UHMK1: variants seen among roughly 807,000 people sequenced by gnomAD.
The protein encoded by UHMK1 is serine/threonine-protein kinase Kist.
In UHMK1, 18 loss-of-function variants were observed where a neutral mutation model predicts 44.0. The ratio of observed to expected loss-of-function variants is 0.41; its 90% CI spans 0.28 to 0.61. UHMK1 has a LOEUF of 0.61. Among genes scored for constraint, UHMK1 ranks in the 20% least tolerant of loss-of-function variants. UHMK1 has a pLI of 0.31. For synonymous variants in UHMK1, 231 were observed against 198.5 expected (o/e 1.16, Z -1.38); for missense variants, 463 against 522.5 (o/e 0.89, Z 1.11).
intron 3 of UHMK1, 56 bp from the exon 4 acceptor site, chr1:162,503,698 G>A (rs1651361795): frequency 3.2e-6 from 4 of 1,247,586 alleles, no homozygotes; most frequent in Non-Finnish European, 1.2e-6. Flanking sequence ...TATATGCCTA[G>A]TATTCAATAA....
chr1:162,510,660 C>T (rs7549575), intron 4 of UHMK1, among the ~76,000 whole-genome samples: 69,107 of 150,684 alleles, frequency 0.46, 15,806 homozygotes, highest in East Asian at 0.48. Context: ...TTTTACACAT[C>T]TGTTTTTTAA....
rs1470345620 is a variant in UHMK1, at chr1:162,525,054, C to G, written c.*2504C>G. The G allele has an allele frequency of 6.6e-6, 1 of 152,150 alleles. No individual in the cohort carries two copies. Among genetic ancestry groups the G allele is most frequent in the Non-Finnish European group, 1.5e-5 (1 of 68,034 alleles). The allele number at this position is 152,150 out of a possible 1,614,324, so 9.4% of individuals were successfully genotyped here. ...GGTTTACAGGCGCTTGCCACCACAC[C>G]TGGCTAGATGTTTTATATTAAAGCC... On this transcript the variant is annotated 3_prime_UTR_variant, in exon 8 of 8. Transcript: ENST00000489294.
Position 162,501,000 on chromosome 1 carries a change from A to G in UHMK1, c.649A>G (p.Thr217Ala). 6 of 1,614,172 alleles carry G rather than the reference A, an allele frequency of 3.7e-6. No homozygotes were observed. The highest frequency in any genetic ancestry group is 5.1e-6 in the Non-Finnish European group (6 of 1,180,032). The change falls in exon 3 of 8, where the codon ACA becomes GCA. Residue 217 changes from threonine (T) to alanine (A), a missense_variant. Around this residue, in one of 3 missense-constraint regions of UHMK1, gnomAD observed 264 missense variants for 326.3 expected, o/e 0.81. Transcript: ENST00000489294. ...CLAQAGLQSD[T>A]ECTSAVDLWS... ...GGCCCAGGCTGGCCTGCAGAGTGAT[A>G]CAGAATGTACCTCAGCTGTTGATCT...
At chr1:162,511,541 T>C (rs561037479) in intron 4 of UHMK1, among the ~76,000 whole-genome samples, 2 of 152,306 alleles carry the variant, frequency 1.3e-5, no homozygotes, top group East Asian at 3.9e-4. Context: ...TCTCCCATTC[T>C]GTAAGTTGTC....
At chr1:162,501,244 A>C in intron 3 of UHMK1, 140 bp downstream of exon 3, 1 of 791,258 alleles carries the variant, frequency 1.3e-6, no homozygotes, top group Non-Finnish European at 1.9e-6. Context: ...ATCTCAGCTC[A>C]CTGCAACCTC....
At chr1:162,516,897 C>G (rs892206649) in intron 6 of UHMK1, among the ~76,000 whole-genome samples, 3 of 152,150 alleles carry the variant, frequency 2.0e-5, no homozygotes, top group Admixed American at 1.3e-4. Flanking sequence ...TTGTACATTA[C>G]TAGAGAAAGT....
At chr1:162,522,069 A>ATGTCTAG (rs143566359) in intron 7 of UHMK1, among the ~76,000 whole-genome samples, 54,178 of 151,692 alleles carry the variant, frequency 0.36, 10,113 homozygotes, top group Non-Finnish European at 0.41. Context: ...TCTTTGGCAG[A>ATGTCTAG]TGTCTAGTGT....
chr1:162,515,879 A>G (rs577831276), intron 6 of UHMK1, among the ~76,000 whole-genome samples: 2 of 151,998 alleles, frequency 1.3e-5, no homozygotes, highest in South Asian at 4.2e-4. Flanking sequence ...CTAAAAATAC[A>G]AAAAATTAGC....
At chr1:162,500,881 T>C (rs1422918768) in intron 2 of UHMK1, 32 bp from the exon 3 acceptor site, 1 of 1,588,164 alleles carries the variant, frequency 6.3e-7, no homozygotes, top group Non-Finnish European at 8.6e-7. Context: ...GCAGCTTTTT[T>C]ATTGGTTGTA....
rs1344297201 is a variant in UHMK1, at chr1:162,508,548, A to G, written c.849-3952A>G. On this transcript the variant is annotated intron_variant, in intron 4 of 7. Coordinates refer to ENST00000489294, the MANE Select transcript of UHMK1 (RefSeq NM_175866.5). ...GTGAAATCCCGTCTCTACTAAAAAC[A>G]CAATTTAGCTGGGCCTAGCAGCATC... Among the ~76,000 whole-genome samples the G allele has an allele frequency of 2.0e-5, 3 of 151,828 alleles. No individual in the cohort carries two copies. In the South Asian group the frequency reaches 6.2e-4, roughly 32 times the overall value.
At chr1:162,518,859 A>G (rs1309517854) in intron 7 of UHMK1, among the ~76,000 whole-genome samples, 1 of 150,302 alleles carries the variant, frequency 6.7e-6, no homozygotes, top group Admixed American at 6.6e-5. Flanking sequence ...ATGGTGGCGC[A>G]TGCCTCTAAT....
At chr1:162,498,309 A>T (rs762108713) in intron 1 of UHMK1, 41 bp downstream of exon 1, 3 of 1,548,180 alleles carry the variant, frequency 1.9e-6, no homozygotes, top group Non-Finnish European at 2.6e-6. Context: ...CCCAGGTCAC[A>T]GTCCGAGCAC....
chr1:162,521,590 T>C (rs1652060914), intron 7 of UHMK1, among the ~76,000 whole-genome samples: 1 of 152,148 alleles, frequency 6.6e-6, no homozygotes, highest in Non-Finnish European at 1.5e-5. Flanking sequence ...CCCAAGTAGC[T>C]GGGATTACAG....
intron 4 of UHMK1, 47 bp downstream of exon 4, chr1:162,503,895 G>C: frequency 7.2e-7 from 1 of 1,394,456 alleles, no homozygotes; most frequent in Non-Finnish European, 1.0e-6. Flanking sequence ...TGTACTATGT[G>C]AAATGGTACG....
At chr1:162,503,930 A>C (rs1651374290) in intron 4 of UHMK1, 82 bp downstream of exon 4, 2 of 1,023,482 alleles carry the variant, frequency 2.0e-6, no homozygotes. Context: ...GAACAGATTT[A>C]TATTATTATT....
intron 3 of UHMK1, among the ~76,000 whole-genome samples, 188 bp downstream of exon 3, chr1:162,501,292 C>T: frequency 6.6e-6 from 1 of 152,134 alleles, no homozygotes; most frequent in East Asian, 1.9e-4. Flanking sequence ...GCCTCAGCCT[C>T]CTGAGTAGCT....
At chr1:162,512,982 C>T in intron 6 of UHMK1, 159 bp downstream of exon 6, 1 of 731,146 alleles carries the variant, frequency 1.4e-6, no homozygotes, top group Non-Finnish European at 2.1e-6. Context: ...GGCGGAGTTT[C>T]ACTCTTGTTG....
At chr1:162,515,570 TGAAA>T (rs10607196) in intron 6 of UHMK1, among the ~76,000 whole-genome samples, 65,340 of 151,820 alleles carry the variant, frequency 0.43, 14,185 homozygotes, top group Non-Finnish European at 0.46. Flanking sequence ...GTTGTCTGTC[TGAAA>T]GAAAGTCTTG....
chr1:162,500,083 T>A lies in UHMK1; in HGVS notation c.397T>A (p.Trp133Arg). ...LYSSHQGCSM[W>R]MIQHCARDVL... ...TTCCAGTCACCAGGGTTGTTCCATG[T>A]GGATGATACAGCATTGTGCCCGAGA... Residue 133 changes from tryptophan to arginine, a missense_variant, in exon 2 of 8, where the codon TGG becomes AGG. Transcript: ENST00000489294. 1 of 1,614,234 alleles carries A rather than the reference T, an allele frequency of 6.2e-7. No homozygotes were observed. The highest frequency in any genetic ancestry group is 1.1e-5 in the South Asian group (1 of 91,080).
Sources: allele counts gnomAD v4.1 joint callset (sites outside exome capture counted in the v4.1 genomes callset), GRCh38; gene constraint gnomAD v4.1.1; regional missense constraint gnomAD v4.1.1; transcripts MANE v1.5; gene names NCBI Gene and HGNC (gene_info 2026-07-23, HGNC 2026-07-21).